The following FARS2 variants were observed in gnomAD, a reference collection of about 807,000 sequenced individuals.
FARS2 encodes the protein phenylalanyl-tRNA synthetase 2, mitochondrial, also known as phenylalanine--tRNA ligase, mitochondrial.
FARS2 carries 40 observed loss-of-function variants against 46.4 expected under a neutral mutation model. The observed-to-expected ratio is 0.86, with a 90% CI of 0.67 to 1.12. The LOEUF (loss-of-function observed/expected upper bound fraction) is 1.12. Among genes scored for constraint, FARS2 ranks in the 50% most tolerant of loss-of-function variants. FARS2 has a pLI of 0.00. For synonymous variants in FARS2, 234 were observed against 214.9 expected, an observed-to-expected ratio of 1.09 and a Z score of -0.78; for missense variants, 513 against 567.9, an observed-to-expected ratio of 0.90 and a Z score of 0.98.
chr6:5,732,275 C>T (rs990233402), intron 6 of FARS2, among the ~76,000 whole-genome samples: 3 of 152,158 alleles, frequency 2.0e-5, no homozygotes, highest in East Asian at 3.9e-4. Flanking sequence ...GAGAGAGGTA[C>T]GTGTCGGTGA....
intron 2 of FARS2, among the ~76,000 whole-genome samples, chr6:5,386,213 T>C (rs960532172): frequency 1.3e-5 from 2 of 152,090 alleles, no homozygotes; most frequent in African/African-American, 4.8e-5. Context: ...GAAGGGGCAC[T>C]GTGTTTCAGG....
chr6:5,473,260 C>T (rs1765903295), intron 4 of FARS2, among the ~76,000 whole-genome samples: 2 of 151,046 alleles, frequency 1.3e-5, no homozygotes. Flanking sequence ...GGCGCGGTGG[C>T]TCATGCCTGT....
chr6:5,541,533 A>G (rs903842048), intron 4 of FARS2, among the ~76,000 whole-genome samples: 5 of 152,308 alleles, frequency 3.3e-5, no homozygotes, highest in African/African-American at 7.2e-5. Flanking sequence ...TTGAATTCAT[A>G]TTGTAGATAA....
At chr6:5,252,784 T>A in the FARS2 span, among the ~76,000 whole-genome samples, 1 of 152,164 alleles carries the variant, frequency 6.6e-6, no homozygotes. Flanking sequence ...AAGGATGTAT[T>A]TGGAGCTTCA....
At chr6:5,606,463 G>A (rs1455700007) in intron 5 of FARS2, among the ~76,000 whole-genome samples, 3 of 152,052 alleles carry the variant, frequency 2.0e-5, no homozygotes, top group East Asian at 3.8e-4. Flanking sequence ...TGTAAATACC[G>A]AGAGAGTTTG....
At chr6:5,629,309 G>A (rs1776181191) in intron 6 of FARS2, among the ~76,000 whole-genome samples, 1 of 152,198 alleles carries the variant, frequency 6.6e-6, no homozygotes, top group Non-Finnish European at 1.5e-5. Context: ...GTGTCACCAT[G>A]ATTTCAAACA....
chr6:5,750,259 T>C (rs538048950), intron 6 of FARS2, among the ~76,000 whole-genome samples: 3 of 151,438 alleles, frequency 2.0e-5, no homozygotes, highest in Non-Finnish European at 4.4e-5. Flanking sequence ...ATTGATGAAA[T>C]GGAAGGTCGG....
intron 6 of FARS2, among the ~76,000 whole-genome samples, chr6:5,756,199 T>G (rs1037916131): frequency 6.6e-6 from 1 of 152,238 alleles, no homozygotes; most frequent in African/African-American, 2.4e-5. Flanking sequence ...GCTACAGCAT[T>G]GGGCACTTAC....
intron 5 of FARS2, among the ~76,000 whole-genome samples, chr6:5,563,674 C>T (rs1561715941): frequency 6.6e-6 from 1 of 152,042 alleles, no homozygotes; most frequent in Non-Finnish European, 1.5e-5. Context: ...ATGGCATGTC[C>T]ATGTGTGTGT....
intron 5 of FARS2, among the ~76,000 whole-genome samples, chr6:5,552,080 G>A (rs182242900): frequency 7.9e-4 from 121 of 152,202 alleles, no homozygotes; most frequent in Middle Eastern, 6.8e-3. Context: ...ATCCTATTTC[G>A]TCATGACAGA....
intron 6 of FARS2, among the ~76,000 whole-genome samples, chr6:5,673,160 T>C (rs1287942877): frequency 6.6e-6 from 1 of 152,192 alleles, no homozygotes; most frequent in Non-Finnish European, 1.5e-5. Context: ...CTGAAGGAAT[T>C]TGGGGAAGCA....
intron 6 of FARS2, among the ~76,000 whole-genome samples, chr6:5,657,406 A>C (rs917625528): frequency 5.3e-5 from 8 of 152,228 alleles, no homozygotes; most frequent in Admixed American, 2.6e-4. Flanking sequence ...TGACCAATCA[A>C]GCTTAGAATA....
chr6:5,676,217 A>G (rs183279986), intron 6 of FARS2, among the ~76,000 whole-genome samples: 17 of 152,328 alleles, frequency 1.1e-4, no homozygotes, highest in African/African-American at 4.1e-4. Flanking sequence ...AAGGAAACAC[A>G]CTTGAACCGA....
chr6:5,666,997 G>T (rs1048236417), intron 6 of FARS2, among the ~76,000 whole-genome samples: 4 of 152,116 alleles, frequency 2.6e-5, no homozygotes, highest in Admixed American at 2.6e-4. Context: ...ATGTTCTCAC[G>T]TACAAGTGGG....
chr6:5,421,091 A>C (rs1762522861), intron 3 of FARS2, among the ~76,000 whole-genome samples: 1 of 152,206 alleles, frequency 6.6e-6, no homozygotes, highest in South Asian at 2.1e-4. Flanking sequence ...CTGCCTGGGC[A>C]TCCAGGCATT....
chr6:5,766,939 T>C (rs541780822), intron 6 of FARS2, among the ~76,000 whole-genome samples: 287 of 151,854 alleles, frequency 1.9e-3, no homozygotes, highest in African/African-American at 6.7e-3. Flanking sequence ...TCTTCACTTC[T>C]GTTCTTGAGG....
chr6:5,534,859 G>A (rs575634157), intron 4 of FARS2, among the ~76,000 whole-genome samples: 18 of 149,970 alleles, frequency 1.2e-4, no homozygotes, highest in South Asian at 4.2e-4. Context: ...ACTTGCACGC[G>A]CACACACACA....
At chr6:5,312,872 G>A (rs1305138675) in intron 1 of FARS2, among the ~76,000 whole-genome samples, 1 of 152,158 alleles carries the variant, frequency 6.6e-6, no homozygotes, top group Non-Finnish European at 1.5e-5. Flanking sequence ...CGGTGGACAC[G>A]TTCCTGCCCC....
At chr6:5,670,837 T>C (rs1241577152) in intron 6 of FARS2, among the ~76,000 whole-genome samples, 1 of 152,212 alleles carries the variant, frequency 6.6e-6, no homozygotes, top group East Asian at 1.9e-4. Context: ...GTTCTACTGA[T>C]GGTGTAAAGT....
Sources: gnomAD v4.1 joint callset for allele counts (sites outside exome capture counted in the v4.1 genomes callset) on GRCh38, gnomAD v4.1.1 for gene constraint, MANE v1.5 for transcripts, NCBI Gene and HGNC (gene_info 2026-07-23, HGNC 2026-07-21) for gene names.